NAALADL2: variants seen among roughly 807,000 people sequenced by gnomAD.
The protein encoded by NAALADL2 is N-acetylated alpha-linked acidic dipeptidase like 2, also known as inactive N-acetylated-alpha-linked acidic dipeptidase-like protein 2.
A neutral mutation model predicts 87.2 loss-of-function variants in NAALADL2; 76 were observed. That is an observed-to-expected ratio of 0.87 (90% CI 0.72 to 1.05). The LOEUF is 1.05. Among genes scored for constraint, NAALADL2 ranks in the 50% least tolerant of loss-of-function variants. The pLI is 0.00. For missense variants in NAALADL2, 1,089 were observed against 945.8 expected, an observed-to-expected ratio of 1.15 and a Z score of -1.99; for synonymous variants, 354 against 331.0, an observed-to-expected ratio of 1.07 and a Z score of -0.75.
intron 5 of NAALADL2, among the ~76,000 whole-genome samples, chr3:175,408,918 T>C (rs12491680): frequency 0.084 from 12,783 of 151,986 alleles, 1,344 homozygotes; most frequent in African/African-American, 0.24. Flanking sequence ...AGAATCTTAG[T>C]ACACTTATTC....
chr3:175,597,814 T>C (rs1722441272), intron 10 of NAALADL2, among the ~76,000 whole-genome samples: 3 of 152,066 alleles, frequency 2.0e-5, no homozygotes. Flanking sequence ...CATGAATATC[T>C]ACATCTATAT....
At chr3:175,561,998 T>C (rs1156814660) in intron 9 of NAALADL2, among the ~76,000 whole-genome samples, 1 of 152,202 alleles carries the variant, frequency 6.6e-6, no homozygotes, top group Non-Finnish European at 1.5e-5. Context: ...TTTGTGTGCT[T>C]TTTGTGTCTG....
intron 1 of NAALADL2, among the ~76,000 whole-genome samples, chr3:174,978,576 T>G (rs181403034): frequency 3.3e-5 from 5 of 152,352 alleles, no homozygotes; most frequent in Admixed American, 2.6e-4. Context: ...CTGTTAATTT[T>G]GATTAATCAT....
chr3:175,297,022 A>T (rs1756471750), intron 4 of NAALADL2, among the ~76,000 whole-genome samples: 1 of 152,136 alleles, frequency 6.6e-6, no homozygotes, highest in African/African-American at 2.4e-5. Flanking sequence ...TAACTGGAGG[A>T]TGAGCCAAAT....
At chr3:174,697,620 G>A (rs1196206914) in intron 2 of NAALADL2, among the ~76,000 whole-genome samples, 8 of 152,142 alleles carry the variant, frequency 5.3e-5, no homozygotes, top group Admixed American at 5.2e-4. Context: ...AGGCAGGTAT[G>A]AGGGATTTTC....
At chr3:175,348,757 A>T (rs565719619) in intron 5 of NAALADL2, among the ~76,000 whole-genome samples, 18 of 152,326 alleles carry the variant, frequency 1.2e-4, no homozygotes, top group African/African-American at 3.4e-4. Flanking sequence ...CATCTTAATT[A>T]CATCTGCAAA....
intron 1 of NAALADL2, among the ~76,000 whole-genome samples, chr3:174,455,427 G>C (rs1480982249): frequency 6.6e-6 from 1 of 151,924 alleles, no homozygotes; most frequent in African/African-American, 2.4e-5. Context: ...GACACACACA[G>C]AAAAGCCTTT....
intron 1 of NAALADL2, among the ~76,000 whole-genome samples, chr3:175,088,771 T>C (rs139070895): frequency 5.8e-4 from 88 of 152,214 alleles, no homozygotes; most frequent in Non-Finnish European, 1.1e-3. Context: ...AAAATTGCAG[T>C]GTATCTATCA....
At chr3:174,904,543 C>A (rs1233210862) in intron 1 of NAALADL2, among the ~76,000 whole-genome samples, 1 of 150,922 alleles carries the variant, frequency 6.6e-6, no homozygotes, top group Non-Finnish European at 1.5e-5. Flanking sequence ...CACAGAAAGT[C>A]TACTAATGCC....
intron 3 of NAALADL2, among the ~76,000 whole-genome samples, chr3:174,818,426 C>A (rs1721033155): frequency 6.6e-6 from 1 of 151,922 alleles, no homozygotes; most frequent in Non-Finnish European, 1.5e-5. Context: ...GTCTTAGGGC[C>A]AGCTGGAATA....
rs112262149 is a variant in NAALADL2, at chr3:175,100,757, T to G, written c.545+3466T>G. ...GGAGGCTGAGGCAGGGAGAATCGCTTGAACTCGGGAGGCGGAGGTTTCAGT... is the reference window on the plus strand; with the variant it reads ...GGAGGCTGAGGCAGGGAGAATCGCTGGAACTCGGGAGGCGGAGGTTTCAGT... On this transcript the variant is annotated intron_variant, in intron 2 of 13. Transcript: ENST00000454872. Among the ~76,000 whole-genome samples the G allele has an allele frequency of 7.2e-3, 1,078 of 149,694 alleles. 22 individuals carry two copies. The highest frequency in any genetic ancestry group is 0.026 in the African/African-American group (1,037 of 40,478).
chr3:175,554,524 G>T (rs1714946663), intron 9 of NAALADL2, among the ~76,000 whole-genome samples: 1 of 151,902 alleles, frequency 6.6e-6, no homozygotes. Flanking sequence ...TATAATATAG[G>T]TAATGATATA....
chr3:175,231,576 A>G (rs1175287493), intron 2 of NAALADL2, among the ~76,000 whole-genome samples: 1 of 152,118 alleles, frequency 6.6e-6, no homozygotes, highest in Non-Finnish European at 1.5e-5. Flanking sequence ...TATAGTATAA[A>G]CATTCAATGT....
At position 174,740,332 on chromosome 3, in the gene NAALADL2, T is replaced by C. The variant is rs139589401; in HGVS notation, c.-9+2586T>C. 1.4e-4 allele frequency among the ~76,000 whole-genome samples: 21 copies of C among 152,016 alleles called. No homozygotes were observed. The East Asian group carries it at 3.1e-3, about 22-fold the overall frequency. ...TCTTGTCTGTGCTCCTTATTGGTGA[T>C]TGTAAAACTAAAAACCCTCAGACCT... On this transcript the variant is annotated intron_variant, in intron 3 of 3. Transcript: ENST00000434257.
At chr3:174,570,793 C>T (rs1315123035) in intron 2 of NAALADL2, among the ~76,000 whole-genome samples, 1 of 152,080 alleles carries the variant, frequency 6.6e-6, no homozygotes, top group Non-Finnish European at 1.5e-5. Context: ...TTTTATGGTG[C>T]ATTTTGGATA....
At chr3:175,093,708 G>A (rs1331795106) in intron 1 of NAALADL2, among the ~76,000 whole-genome samples, 2 of 151,620 alleles carry the variant, frequency 1.3e-5, no homozygotes, top group African/African-American at 2.4e-5. Context: ...ATACTTTGGA[G>A]TTTGTTACAC....
chr3:174,896,101 C>T (rs1030785706), intron 1 of NAALADL2, among the ~76,000 whole-genome samples: 1 of 151,928 alleles, frequency 6.6e-6, no homozygotes, highest in Admixed American at 6.6e-5. Flanking sequence ...AACTGAAAAC[C>T]TTTCCACTAA....
In NAALADL2 at chr3:175,763,581, T is replaced by C. The variant is rs772405234; in HGVS notation, c.2189+8163T>C. ...ACTAAACTGAACAGAAACAGAAAGA[T>C]CTTTGATTTTAATCTTTTAGTATAC... On this transcript the variant is annotated intron_variant, in intron 13 of 13. Coordinates refer to ENST00000454872, the MANE Select transcript of NAALADL2 (RefSeq NM_207015.3). Among the ~76,000 whole-genome samples the C allele has an allele frequency of 4.3e-4, 65 of 152,188 alleles. 1 individual carries two copies. The highest frequency in any genetic ancestry group is 2.8e-4 in the Non-Finnish European group (19 of 68,024).
At chr3:175,621,197 T>C (rs1001079405) in intron 10 of NAALADL2, among the ~76,000 whole-genome samples, 1 of 152,180 alleles carries the variant, frequency 6.6e-6, no homozygotes, top group Non-Finnish European at 1.5e-5. Flanking sequence ...GACCCGTTCC[T>C]GTCTGTCTAG....
Sources: allele counts gnomAD v4.1 joint callset (sites outside exome capture counted in the v4.1 genomes callset), GRCh38; gene constraint gnomAD v4.1.1; transcripts MANE v1.5; gene names NCBI Gene and HGNC (gene_info 2026-07-23, HGNC 2026-07-21).